The following MN1 variants were observed in gnomAD, a reference collection of about 807,000 sequenced individuals.
MN1 encodes MN1 proto-oncogene, transcriptional regulator.
MN1 carries 19 observed loss-of-function variants against 86.9 expected under a neutral mutation model. The observed-to-expected ratio is 0.22, with a 90% CI of 0.15 to 0.32. The LOEUF (loss-of-function observed/expected upper bound fraction) is 0.32, where lower values mean the gene tolerates loss of function less well. MN1 is among the 10% of genes least tolerant of loss of function. The probability of loss-of-function intolerance (pLI) is 1.00; values close to 1 mark genes in which losing one functional copy is unlikely to be tolerated. For missense variants in MN1, 1,841 were observed against 1,862.0 expected, an observed-to-expected ratio of 0.99 and a Z score of 0.21; for synonymous variants, 928 against 849.6, an observed-to-expected ratio of 1.09 and a Z score of -1.60.
At chr22:27,763,738 G>A (rs745656393) in intron 1 of MN1, among the ~76,000 whole-genome samples, 1 of 152,216 alleles carries the variant, frequency 6.6e-6, no homozygotes, top group Non-Finnish European at 1.5e-5. Context: ...ACTGAGCTCA[G>A]AGAGGTGAAC....
chr22:27,778,380 C>A (rs911522096), intron 1 of MN1, among the ~76,000 whole-genome samples: 1 of 152,196 alleles, frequency 6.6e-6, no homozygotes, highest in Non-Finnish European at 1.5e-5. Flanking sequence ...TCCTAAATTC[C>A]GCAGGCAAAT....
chr22:27,771,939 C>G (rs998815494), intron 1 of MN1, among the ~76,000 whole-genome samples: 3 of 152,214 alleles, frequency 2.0e-5, no homozygotes, highest in African/African-American at 7.2e-5. Flanking sequence ...TTGGGTTCCA[C>G]CGCCGTATAT....
chr22:27,769,387 A>G (rs2146300557), intron 1 of MN1, among the ~76,000 whole-genome samples: 1 of 152,156 alleles, frequency 6.6e-6, no homozygotes, highest in Admixed American at 6.5e-5. Flanking sequence ...CCAGGACAGG[A>G]TTAAAATTCA....
At chr22:27,780,051 C>T (rs1404323798) in intron 1 of MN1, among the ~76,000 whole-genome samples, 2 of 152,172 alleles carry the variant, frequency 1.3e-5, no homozygotes, top group African/African-American at 4.8e-5. Context: ...GGGCTCCAAA[C>T]CAGAAGGAAA....
chr22:27,759,210 G>A (rs1932819192), intron 1 of MN1, among the ~76,000 whole-genome samples: 1 of 151,918 alleles, frequency 6.6e-6, no homozygotes, highest in Non-Finnish European at 1.5e-5. Flanking sequence ...CTGTGGAGTT[G>A]GCCCCCACAG....
chr22:27,777,172 G>A (rs538241909), intron 1 of MN1, among the ~76,000 whole-genome samples: 33 of 152,274 alleles, frequency 2.2e-4, no homozygotes, highest in South Asian at 4.1e-4. Flanking sequence ...AAGCAAAATC[G>A]AGATGAAACC....
chr22:27,795,715 A>ATC (rs1933282610), intron 1 of MN1, among the ~76,000 whole-genome samples: 1 of 140,610 alleles, frequency 7.1e-6, no homozygotes, highest in African/African-American at 2.7e-5. Flanking sequence ...ATATACACCT[A>ATC]TATATATACA....
At position 27,798,772 on chromosome 22, in the gene MN1, T is replaced by A; in HGVS notation, c.1772A>T (p.His591Leu). ...GGCCAAGCCGCCCACCGGGCCGCCA[T>A]GCACCAGGCCGCCCTGGCCCACGTC... is the stretch of plus-strand genomic sequence containing the variant. ...PGDVGQGGLV[H>L]GGPVGGLAQP... Residue 591 changes from histidine (H) to leucine (L), a missense_variant, in exon 1 of 2, where the codon CAT becomes CTT. His to Leu is a moderately conservative substitution (Grantham distance 99). Transcript: ENST00000302326. 6 of 1,534,778 alleles carry A rather than the reference T, an allele frequency of 3.9e-6. No homozygotes were observed. The highest frequency in any genetic ancestry group is 5.2e-6 in the Non-Finnish European group (6 of 1,145,712).
chr22:27,756,889 G>A (rs528920440), intron 1 of MN1, among the ~76,000 whole-genome samples: 2 of 152,206 alleles, frequency 1.3e-5, no homozygotes, highest in African/African-American at 4.8e-5. Context: ...CCAAGTAGCT[G>A]GGACTATGGG....
intron 1 of MN1, among the ~76,000 whole-genome samples, chr22:27,768,679 G>A (rs975434530): frequency 1.3e-5 from 2 of 152,104 alleles, no homozygotes; most frequent in African/African-American, 2.4e-5. Context: ...GGTGTTGCAC[G>A]CCTATAATCC....
rs1403168094 is a variant in MN1 at position 27,797,876 on chromosome 22, G to A, written c.2668C>T (p.Pro890Ser). The change falls in exon 1 of 2, where the codon CCC becomes TCC. Residue 890 changes from proline (P) to serine (S), a missense_variant. Physicochemically the swap from Pro to Ser is moderately conservative, Grantham distance 74. Transcript: ENST00000302326. ...PGGTAPGAPG[P>S]GGPSGTSSSG... ...CTACTGGTCCCGGACGGGCCTCCGGGTCCTGGGGCCCCAGGAGCAGTCCCT... is the reference window on the plus strand; with the variant it reads ...CTACTGGTCCCGGACGGGCCTCCGGATCCTGGGGCCCCAGGAGCAGTCCCT... The A allele has an allele frequency of 1.3e-6, 2 of 1,591,912 alleles. No individual in the cohort carries two copies. The highest frequency in any genetic ancestry group is 8.5e-7 in the Non-Finnish European group (1 of 1,170,114).
intron 1 of MN1, among the ~76,000 whole-genome samples, chr22:27,783,938 T>G (rs1933087804): frequency 6.6e-6 from 1 of 152,164 alleles, no homozygotes; most frequent in Non-Finnish European, 1.5e-5. Context: ...CAACAAGCTC[T>G]CAAAGACTTT....
intron 1 of MN1, among the ~76,000 whole-genome samples, chr22:27,769,552 A>ATTTTTTTTTTTT (rs58248602): frequency 0.031 from 2,618 of 83,216 alleles, 510 homozygotes; most frequent in African/African-American, 0.07. Context: ...AAGGATGCCA[A>ATTTTTTTTTTTT]TTTTTTTTTT....
Position 27,797,947 on chromosome 22 carries a change from T to A in MN1, c.2597A>T (p.Asp866Val). 6.3e-7 allele frequency: 1 copy of A among 1,593,212 alleles called. No individual in the cohort carries two copies. Among genetic ancestry groups the A allele is most frequent in the Non-Finnish European group, 8.6e-7 (1 of 1,169,154 alleles). Reference sequence around the variant, plus strand: ...CGGGTTGCCGGCCACTGCCGCGCCGTCGGTCTCGTTCTGGCTCAGTTTCCT... The same window carrying A: ...CGGGTTGCCGGCCACTGCCGCGCCGACGGTCTCGTTCTGGCTCAGTTTCCT... ...GKRKLSQNET[D>V]GAAVAGNPGS... The change falls in exon 1 of 2, where the codon GAC becomes GTC. Residue 866 changes from aspartate to valine, a missense_variant. Asp to Val is a radical substitution (Grantham distance 152). Transcript: ENST00000302326.
intron 1 of MN1, among the ~76,000 whole-genome samples, chr22:27,772,452 C>T (rs1932926058): frequency 6.6e-6 from 1 of 152,182 alleles, no homozygotes; most frequent in African/African-American, 2.4e-5. Context: ...GAAACTTGGA[C>T]TTAACAGGCA....
chr22:27,750,868 C>G lies in MN1; in HGVS notation c.*47G>C, dbSNP rs1359984523. On this transcript the variant is annotated 3_prime_UTR_variant, in exon 2 of 2. Coordinates refer to ENST00000302326, the MANE Select transcript of MN1 (RefSeq NM_002430.3). ...TAAGGTTGAGGGGGAAGGAAACAGA[C>G]AGGGGGAGAGGAAGGGCCTGGTAGA... 4.0e-6 allele frequency: 6 copies of G among 1,487,616 alleles called. No individual in the cohort carries two copies. Among genetic ancestry groups the G allele is most frequent in the Non-Finnish European group, 5.5e-6 (6 of 1,099,390 alleles). The allele number at this position is 1,487,616 out of a possible 1,614,324, so 92.2% of individuals were successfully genotyped here.
At chr22:27,755,405 A>C (rs1344716524) in intron 1 of MN1, among the ~76,000 whole-genome samples, 1 of 152,142 alleles carries the variant, frequency 6.6e-6, no homozygotes, top group African/African-American at 2.4e-5. Context: ...CAGGGGGCCG[A>C]GGGCAGGGGC....
chr22:27,799,635 G>GGGCTGCTGCTGCTGC lies in MN1; in HGVS notation c.894_908dup (p.Pro303_Gln307dup). 6.5e-7 allele frequency: 1 copy of GGGCTGCTGCTGCTGC among 1,545,716 alleles called. No individual in the cohort carries two copies. Reference sequence around the variant, plus strand: ...CACCATGCTGCTGCTGCTGCTGCTGGGGCTGCTGCTGCTGCTGGGGCTGCT... The same window carrying GGGCTGCTGCTGCTGC: ...CACCATGCTGCTGCTGCTGCTGCTGGGGCTGCTGCTGCTGCGGCTGCTGCTGCTGCTGGGGCTGCT... On this transcript the variant is annotated inframe_insertion, in exon 1 of 2. Transcript: ENST00000302326.
chr22:27,794,340 C>T (rs1463936185), intron 1 of MN1, among the ~76,000 whole-genome samples: 1 of 152,202 alleles, frequency 6.6e-6, no homozygotes, highest in Non-Finnish European at 1.5e-5. Flanking sequence ...AACCCCAAGG[C>T]TACAGAAGCT....
Sources: gnomAD v4.1 joint callset for allele counts (sites outside exome capture counted in the v4.1 genomes callset) on GRCh38, gnomAD v4.1.1 for gene constraint, MANE v1.5 for transcripts, NCBI Gene and HGNC (gene_info 2026-07-23, HGNC 2026-07-21) for gene names.